Variants in FTCDNL1 observed in about 807,000 individuals in gnomAD.
FTCDNL1 encodes formiminotransferase cyclodeaminase N-terminal like.
FTCDNL1 carries 11 observed loss-of-function variants against 5.9 expected under a neutral mutation model. The observed-to-expected ratio is 1.87, with a 90% CI of 1.18 to 3.10. FTCDNL1 has a LOEUF of 3.10. Ranked by LOEUF, FTCDNL1 falls within the 30% of genes most tolerant of loss-of-function variation. FTCDNL1 has a pLI of 0.00. For synonymous variants in FTCDNL1, 58 were observed against 24.8 expected (o/e 2.34, Z -3.99); for missense variants, 115 against 65.5 (o/e 1.76, Z -2.61).
chr2:199,824,017 A>C (rs1574627135), intron 3 of FTCDNL1, among the ~76,000 whole-genome samples: 1 of 152,120 alleles, frequency 6.6e-6, no homozygotes, highest in Admixed American at 6.5e-5. Context: ...GTCTCACTAT[A>C]TTGCCCAGGC....
At chr2:199,832,969 A>C (rs62178317) in intron 3 of FTCDNL1, among the ~76,000 whole-genome samples, 1 of 150,798 alleles carries the variant, frequency 6.6e-6, no homozygotes, top group East Asian at 1.9e-4. Context: ...TCAGCTCCCT[A>C]ATTTTTTTTT....
chr2:199,748,494 T>G, the FTCDNL1 span, among the ~76,000 whole-genome samples: 2 of 152,194 alleles, frequency 1.3e-5, no homozygotes, highest in East Asian at 3.8e-4. Context: ...GCCACCTCTT[T>G]CCTTATCCCT....
the FTCDNL1 span, among the ~76,000 whole-genome samples, chr2:199,713,661 T>C: frequency 3.7e-4 from 56 of 152,358 alleles, no homozygotes; most frequent in African/African-American, 1.2e-3. Context: ...GTTAGTCTTA[T>C]AATATTTGCA....
At chr2:199,808,748 A>G (rs1700862906), downstream of FTCDNL1, among the ~76,000 whole-genome samples, 1 of 152,268 alleles carries the variant, frequency 6.6e-6, no homozygotes, top group Non-Finnish European at 1.5e-5. Context: ...AAGCTCTAGA[A>G]TAGACCTAGA....
At chr2:199,680,684 G>T in the FTCDNL1 span, among the ~76,000 whole-genome samples, 1 of 152,182 alleles carries the variant, frequency 6.6e-6, no homozygotes, top group African/African-American at 2.4e-5. Context: ...ATTGCCATGG[G>T]CCGCATCAGA....
chr2:199,680,156 TTAAA>T, the FTCDNL1 span, among the ~76,000 whole-genome samples: 1 of 152,186 alleles, frequency 6.6e-6, no homozygotes, highest in Non-Finnish European at 1.5e-5. Flanking sequence ...GGTTAAAAGA[TTAAA>T]TAAATACAGG....
At chr2:199,672,486 G>A in the FTCDNL1 span, among the ~76,000 whole-genome samples, 11,049 of 152,104 alleles carry the variant, frequency 0.073, 1,328 homozygotes, top group African/African-American at 0.25. Context: ...AAAACTTAGC[G>A]GTGTAAAATA....
chr2:199,716,813 T>C, the FTCDNL1 span, among the ~76,000 whole-genome samples: 1 of 152,166 alleles, frequency 6.6e-6, no homozygotes, highest in East Asian at 1.9e-4. Flanking sequence ...TCCTGGATAA[T>C]TCCTGGATAA....
intron 3 of FTCDNL1, among the ~76,000 whole-genome samples, chr2:199,773,225 G>A (rs1698899364): frequency 6.6e-6 from 1 of 152,138 alleles, no homozygotes. Flanking sequence ...TCAATGTGGA[G>A]GGTTTCACTA....
chr2:199,775,790 G>A (rs1404704625), intron 3 of FTCDNL1, among the ~76,000 whole-genome samples: 2 of 152,172 alleles, frequency 1.3e-5, no homozygotes, highest in Non-Finnish European at 2.9e-5. Context: ...TTCCAGGCTC[G>A]GTACTAATCT....
At chr2:199,762,843 G>A (rs1698335485) in intron 3 of FTCDNL1, among the ~76,000 whole-genome samples, 1 of 152,074 alleles carries the variant, frequency 6.6e-6, no homozygotes, top group Non-Finnish European at 1.5e-5. Context: ...TAACAATCAA[G>A]TGAGATAAGG....
the FTCDNL1 span, among the ~76,000 whole-genome samples, chr2:199,751,892 T>A: frequency 1.3e-4 from 19 of 146,056 alleles, no homozygotes; most frequent in South Asian, 4.0e-3. Flanking sequence ...ATTTTTTTTT[T>A]ATGTTTATTA....
chr2:199,727,796 A>G, the FTCDNL1 span, among the ~76,000 whole-genome samples: 8 of 152,200 alleles, frequency 5.3e-5, no homozygotes, highest in Admixed American at 4.6e-4. Flanking sequence ...GGGCTTTTAC[A>G]TAAATAATAG....
At chr2:199,664,804 T>C in the FTCDNL1 span, among the ~76,000 whole-genome samples, 187 of 152,278 alleles carry the variant, frequency 1.2e-3, no homozygotes, top group Non-Finnish European at 1.7e-3. Context: ...TTTTATTCTA[T>C]AACATATAAC....
At chr2:199,765,230 C>T (rs193276540) in intron 3 of FTCDNL1, among the ~76,000 whole-genome samples, 9 of 152,000 alleles carry the variant, frequency 5.9e-5, no homozygotes, top group Non-Finnish European at 1.2e-4. Flanking sequence ...AGAGTGAACC[C>T]GAATGTTAAC....
intron 4 of FTCDNL1, among the ~76,000 whole-genome samples, chr2:199,812,987 C>A (rs182617384): frequency 1.3e-5 from 2 of 152,162 alleles, no homozygotes; most frequent in African/African-American, 4.8e-5. Context: ...ATTGTTGAGA[C>A]CTTATGGTGA....
chr2:199,827,428 C>G (rs1181208403), intron 3 of FTCDNL1, among the ~76,000 whole-genome samples: 1 of 151,826 alleles, frequency 6.6e-6, no homozygotes, highest in African/African-American at 2.4e-5. Context: ...CAAACAGGCC[C>G]CTATAAAGAG....
intron 2 of FTCDNL1, among the ~76,000 whole-genome samples, chr2:199,846,750 G>A (rs961012478): frequency 2.6e-5 from 4 of 152,184 alleles, no homozygotes; most frequent in Non-Finnish European, 5.9e-5. Flanking sequence ...GGTGGTTTGT[G>A]ACTCTCTTGA....
chr2:199,765,733 G>A (rs540514924), intron 3 of FTCDNL1, among the ~76,000 whole-genome samples: 69 of 151,236 alleles, frequency 4.6e-4, no homozygotes, highest in African/African-American at 1.5e-3. Context: ...GGTAGAGACC[G>A]GGTTTCACCG....
Sources: gnomAD v4.1 joint callset for allele counts (sites outside exome capture counted in the v4.1 genomes callset) on GRCh38, gnomAD v4.1.1 for gene constraint, MANE v1.5 for transcripts, NCBI Gene and HGNC (gene_info 2026-07-23, HGNC 2026-07-21) for gene names.